MCPH1: variants seen among roughly 807,000 people sequenced by gnomAD.
MCPH1 encodes the protein microcephalin.
In MCPH1, 104 loss-of-function variants were observed where a neutral mutation model predicts 84.5. The observed-to-expected ratio is 1.23, with a 90% confidence interval of 1.05 to 1.45. The LOEUF (loss-of-function observed/expected upper bound fraction) is 1.45, where lower values mean the gene tolerates loss of function less well. Ranked by LOEUF, MCPH1 falls within the 40% of genes most tolerant of loss-of-function variation. The pLI is 0.00. For synonymous variants in MCPH1, 514 were observed against 366.8 expected (o/e 1.40, Z -4.58); for missense variants, 1,498 against 1,005.7 (o/e 1.49, Z -6.62).
chr8:6,640,981 G>A (rs1372456281), intron 13 of MCPH1, among the ~76,000 whole-genome samples: 1 of 152,040 alleles, frequency 6.6e-6, no homozygotes, highest in African/African-American at 2.4e-5. Context: ...TGATCTGTTT[G>A]TCTATTCTGT....
At chr8:6,490,815 A>G (rs1329394104) in intron 11 of MCPH1, among the ~76,000 whole-genome samples, 1 of 152,096 alleles carries the variant, frequency 6.6e-6, no homozygotes, top group Non-Finnish European at 1.5e-5. Flanking sequence ...ACAGCTTGCC[A>G]TAGGTTCATA....
intron 8 of MCPH1, among the ~76,000 whole-genome samples, chr8:6,450,831 T>G (rs1329417727): frequency 1.3e-5 from 2 of 152,032 alleles, no homozygotes; most frequent in Non-Finnish European, 2.9e-5. Flanking sequence ...CAGCCTCAAC[T>G]TACTGGGCTC....
intron 3 of MCPH1, among the ~76,000 whole-genome samples, chr8:6,424,128 G>A (rs1441331479): frequency 6.6e-6 from 1 of 152,034 alleles, no homozygotes; most frequent in Non-Finnish European, 1.5e-5. Flanking sequence ...TTCTGGGAGT[G>A]TTCATTTTAA....
chr8:6,431,730 A>C (rs1801871527), intron 4 of MCPH1, 144 bp downstream of exon 4: 10 of 613,110 alleles, frequency 1.6e-5, no homozygotes. Context: ...TTCACATAGC[A>C]TTTTTAAGTG....
intron 9 of MCPH1, among the ~76,000 whole-genome samples, chr8:6,470,077 G>GT (rs1807514834): frequency 6.6e-6 from 1 of 152,120 alleles, no homozygotes; most frequent in Admixed American, 6.5e-5. Context: ...GAAAAGGGTT[G>GT]TTTTTCTTCT....
chr8:6,529,983 A>G lies in MCPH1; in HGVS notation c.2214+30054A>G, dbSNP rs115098540. Among the ~76,000 whole-genome samples the G allele has an allele frequency of 7.8e-3, 1,180 of 152,080 alleles. 13 individuals are homozygous for G. Among genetic ancestry groups the G allele is most frequent in the African/African-American group, 0.027 (1,117 of 41,504 alleles). On this transcript the variant is annotated intron_variant, in intron 12 of 13. Coordinates refer to ENST00000344683, the MANE Select transcript of MCPH1 (RefSeq NM_024596.5). Reference sequence around the variant, plus strand: ...AAGGTTTGCATTGCTGCTCTGTCCTAACACTTTTTCATTACTATTATTATT... The same window carrying G: ...AAGGTTTGCATTGCTGCTCTGTCCTGACACTTTTTCATTACTATTATTATT...
chr8:6,643,225 A>G lies in MCPH1; in HGVS notation c.*176A>G. The stretch of plus-strand genomic sequence containing the variant: ...CTCATAGGTGACTTTCTGATGACTG[A>G]ATGTCTGTTTCAGAGACGCTTCGGG... On this transcript the variant is annotated 3_prime_UTR_variant, in exon 14 of 14. Transcript: ENST00000344683. 1.5e-6 allele frequency: 1 copy of G among 675,398 alleles called. No individual in the cohort carries two copies. The allele number at this position is 675,398 out of a possible 1,614,324, so 41.8% of individuals were successfully genotyped here. A position where few individuals can be genotyped will look rare whatever the true frequency, so the allele number is the denominator to read the frequency against.
intron 3 of MCPH1, among the ~76,000 whole-genome samples, chr8:6,422,192 T>C (rs988302686): frequency 2.6e-5 from 4 of 152,262 alleles, no homozygotes; most frequent in Non-Finnish European, 5.9e-5. Context: ...GTCTGTCTTA[T>C]TTATGGTTGT....
intron 12 of MCPH1, among the ~76,000 whole-genome samples, chr8:6,575,664 G>A (rs1285619286): frequency 3.3e-5 from 5 of 152,180 alleles, no homozygotes; most frequent in East Asian, 3.9e-4. Context: ...GACCGTCTTC[G>A]GAAGTAGGGC....
At position 6,596,741 on chromosome 8, in the gene MCPH1, G is replaced by A. The variant is rs114344299; in HGVS notation, c.2215-24713G>A. Among the ~76,000 whole-genome samples the A allele has an allele frequency of 3.2e-3, 484 of 152,290 alleles. 4 individuals carry two copies. The highest frequency in any genetic ancestry group is 0.01 in the African/African-American group (424 of 41,548). On this transcript the variant is annotated intron_variant, in intron 12 of 13. Transcript: ENST00000344683. ...AATGCAACGATGCCAAAAAACGGTA[G>A]AACTGAAAACCCCAGCCAGATCAAC...
intron 12 of MCPH1, among the ~76,000 whole-genome samples, chr8:6,530,597 T>C (rs901682001): frequency 2.0e-5 from 3 of 151,952 alleles, no homozygotes; most frequent in African/African-American, 7.3e-5. Context: ...TATATTGATA[T>C]ATTGACTTTT....
chr8:6,444,171 T>C lies in MCPH1; in HGVS notation c.671-222T>C, dbSNP rs566807915. 2.0e-5 allele frequency among the ~76,000 whole-genome samples: 3 copies of C among 152,176 alleles called. No homozygotes were observed. The East Asian group carries it at 5.8e-4, about 29-fold the overall frequency. On this transcript the variant is annotated intron_variant, in intron 7 of 13. Coordinates refer to ENST00000344683, the MANE Select transcript of MCPH1 (RefSeq NM_024596.5). The stretch of plus-strand genomic sequence containing the variant: ...AGAAGTTTGTTACACCTCTTCTCTA[T>C]CCCCACTGCTATCCCATACACCCAT...
intron 3 of MCPH1, among the ~76,000 whole-genome samples, chr8:6,419,038 C>A (rs892352025): frequency 6.6e-6 from 1 of 151,990 alleles, no homozygotes; most frequent in African/African-American, 2.4e-5. Flanking sequence ...TGCTTTTCTT[C>A]TGGGACTCCA....
At chr8:6,477,014 C>A (rs997755761) in intron 9 of MCPH1, among the ~76,000 whole-genome samples, 5 of 151,756 alleles carry the variant, frequency 3.3e-5, no homozygotes, top group Non-Finnish European at 7.4e-5. Context: ...TTTTGCAAGT[C>A]AGCGTGCATT....
At chr8:6,423,538 T>C (rs188599346) in intron 3 of MCPH1, among the ~76,000 whole-genome samples, 117 of 152,340 alleles carry the variant, frequency 7.7e-4, no homozygotes, top group African/African-American at 2.7e-3. Flanking sequence ...ACTTTATATA[T>C]ATAAGAATAT....
chr8:6,502,613 CT>C (rs1407433239), intron 12 of MCPH1: 2 of 152,638 alleles, frequency 1.3e-5, no homozygotes, highest in African/African-American at 4.8e-5. Flanking sequence ...CTGAATATGT[CT>C]TTTTATGGCT....
chr8:6,642,164 T>C (rs187024199), intron 13 of MCPH1, among the ~76,000 whole-genome samples: 2 of 152,360 alleles, frequency 1.3e-5, no homozygotes, highest in East Asian at 3.9e-4. Flanking sequence ...TGTAACTCTG[T>C]AATTATAATT....
intron 12 of MCPH1, among the ~76,000 whole-genome samples, chr8:6,585,730 C>A (rs1827925160): frequency 6.6e-6 from 1 of 152,184 alleles, no homozygotes; most frequent in African/African-American, 2.4e-5. Context: ...TGTAACTGGT[C>A]TTTCCTCCTC....
intron 9 of MCPH1, chr8:6,473,877 A>G (rs1808088904): frequency 6.6e-7 from 1 of 1,511,492 alleles, no homozygotes; most frequent in Non-Finnish European, 8.8e-7. Flanking sequence ...TGCTCAATCC[A>G]TTTCAAGATC....
Sources: gnomAD v4.1 joint callset for allele counts (sites outside exome capture counted in the v4.1 genomes callset) on GRCh38, gnomAD v4.1.1 for gene constraint, MANE v1.5 for transcripts, NCBI Gene and HGNC (gene_info 2026-07-23, HGNC 2026-07-21) for gene names.